Variants in AFG2A observed in about 807,000 individuals in gnomAD.
AFG2A encodes the protein AAA ATPase AFG2A.
the AFG2A span, chr4:122,936,233 C>A: frequency 1.8e-6 from 2 of 1,097,246 alleles, no homozygotes; most frequent in African/African-American, 1.6e-5. Flanking sequence ...GCACCTTATA[C>A]AAAGCATAAA....
At chr4:123,056,238 TAACA>T in the AFG2A span, 4 of 680,198 alleles carry the variant, frequency 5.9e-6, no homozygotes, top group East Asian at 3.3e-5. Flanking sequence ...AAGGCACAAA[TAACA>T]AACAGAGAAA....
the AFG2A span, among the ~76,000 whole-genome samples, chr4:122,955,882 G>C: frequency 3.9e-5 from 6 of 152,162 alleles, no homozygotes; most frequent in African/African-American, 1.4e-4. Flanking sequence ...TAGCGTCACA[G>C]GGATTAGTGG....
At chr4:123,153,530 G>A in the AFG2A span, among the ~76,000 whole-genome samples, 5 of 152,120 alleles carry the variant, frequency 3.3e-5, no homozygotes, top group African/African-American at 1.2e-4. Flanking sequence ...ATAGGTAAAC[G>A]TGTTTGCACC....
the AFG2A span, among the ~76,000 whole-genome samples, chr4:123,119,324 T>C: frequency 4.6e-5 from 7 of 152,162 alleles, no homozygotes; most frequent in East Asian, 1.9e-4. Context: ...AGAGGTAGTA[T>C]GGAAATAGAC....
the AFG2A span, among the ~76,000 whole-genome samples, chr4:122,945,354 G>T: frequency 1.3e-5 from 2 of 152,222 alleles, no homozygotes; most frequent in Non-Finnish European, 2.9e-5. Flanking sequence ...AATGGCGGGC[G>T]CCCCTCCCCC....
chr4:123,256,356 A>G, the AFG2A span, among the ~76,000 whole-genome samples: 1 of 152,330 alleles, frequency 6.6e-6, no homozygotes, highest in Non-Finnish European at 1.5e-5. Context: ...CGTGGCTTCT[A>G]TTATATCACA....
chr4:123,105,598 G>A, the AFG2A span, among the ~76,000 whole-genome samples: 50 of 152,278 alleles, frequency 3.3e-4, 1 homozygote, highest in East Asian at 8.9e-3. Context: ...CATGATTTAT[G>A]GGAGGAGGTG....
At chr4:123,002,489 G>C in the AFG2A span, among the ~76,000 whole-genome samples, 2 of 152,196 alleles carry the variant, frequency 1.3e-5, no homozygotes, top group South Asian at 4.2e-4. Flanking sequence ...AGCTCTTTTA[G>C]GGCAGGCCTG....
At chr4:123,004,823 C>T in the AFG2A span, among the ~76,000 whole-genome samples, 1 of 152,102 alleles carries the variant, frequency 6.6e-6, no homozygotes, top group African/African-American at 2.4e-5. Flanking sequence ...TATATGTTCT[C>T]CATTGAAATC....
At chr4:123,038,337 A>C in the AFG2A span, among the ~76,000 whole-genome samples, 1 of 152,098 alleles carries the variant, frequency 6.6e-6, no homozygotes, top group Non-Finnish European at 1.5e-5. Flanking sequence ...AAATTAGTAC[A>C]TGCTGATTGC....
the AFG2A span, among the ~76,000 whole-genome samples, chr4:123,172,542 G>A: frequency 3.9e-5 from 6 of 152,030 alleles, no homozygotes; most frequent in Admixed American, 6.5e-5. Context: ...ATCTATAGGC[G>A]AAAAAGAGCA....
chr4:122,946,503 G>A, the AFG2A span, among the ~76,000 whole-genome samples: 1 of 152,012 alleles, frequency 6.6e-6, no homozygotes, highest in South Asian at 2.1e-4. Context: ...AATTGATTAG[G>A]TTTGAGCTTT....
At chr4:122,979,427 T>G in the AFG2A span, 1 of 1,574,314 alleles carries the variant, frequency 6.4e-7, no homozygotes, top group Non-Finnish European at 8.6e-7. Context: ...CTGTTTGAAT[T>G]AAACTCTGAA....
chr4:123,174,837 A>G, the AFG2A span, among the ~76,000 whole-genome samples: 5 of 151,394 alleles, frequency 3.3e-5, no homozygotes, highest in South Asian at 4.2e-4. Context: ...ATATATATAT[A>G]TATATTATTT....
chr4:123,105,363 A>G, the AFG2A span, among the ~76,000 whole-genome samples: 31 of 152,352 alleles, frequency 2.0e-4, no homozygotes, highest in African/African-American at 7.0e-4. Flanking sequence ...GACAATGCAC[A>G]TGGTTACTCA....
chr4:123,276,289 G>C, the AFG2A span, among the ~76,000 whole-genome samples: 2 of 152,082 alleles, frequency 1.3e-5, no homozygotes, highest in Non-Finnish European at 2.9e-5. Flanking sequence ...GTCTTCTTTT[G>C]AAAGTGTCTG....
the AFG2A span, among the ~76,000 whole-genome samples, chr4:123,134,869 T>G: frequency 6.6e-6 from 1 of 152,048 alleles, no homozygotes; most frequent in East Asian, 1.9e-4. Context: ...CAAACTCTTC[T>G]GAAAAATTGA....
the AFG2A span, among the ~76,000 whole-genome samples, chr4:123,265,479 CA>C: frequency 2.0e-5 from 3 of 152,080 alleles, no homozygotes; most frequent in Non-Finnish European, 4.4e-5. Flanking sequence ...AAATTGGCAA[CA>C]AAAGTACATT....
chr4:123,123,685 C>T, the AFG2A span, among the ~76,000 whole-genome samples: 8 of 152,004 alleles, frequency 5.3e-5, no homozygotes, highest in East Asian at 3.9e-4. Context: ...CGGTGGCTCA[C>T]GCCTGTAATC....
Sources: allele counts gnomAD v4.1 joint callset (sites outside exome capture counted in the v4.1 genomes callset), GRCh38; gene constraint gnomAD v4.1.1; transcripts MANE v1.5; gene names NCBI Gene and HGNC (gene_info 2026-07-23, HGNC 2026-07-21).